AFF1: variants seen among roughly 807,000 people sequenced by gnomAD.
AFF1 encodes the protein ALF transcription elongation factor 1.
AFF1 carries 48 observed loss-of-function variants against 121.7 expected under a neutral mutation model. That is an observed-to-expected ratio of 0.39 (90% CI 0.31 to 0.50). AFF1 has a LOEUF of 0.50. Among genes scored for constraint, AFF1 ranks in the 20% least tolerant of loss-of-function variants. The probability of loss-of-function intolerance (pLI) is 0.76; values close to 1 mark genes in which losing one functional copy is unlikely to be tolerated. For missense variants in AFF1, 1,523 were observed against 1,511.7 expected, an observed-to-expected ratio of 1.01 and a Z score of -0.12; for synonymous variants, 613 against 563.0, an observed-to-expected ratio of 1.09 and a Z score of -1.26.
At chr4:86,949,994 A>T in intron 2 of AFF1, 1 of 1,614,086 alleles carries the variant, frequency 6.2e-7, no homozygotes, top group Non-Finnish European at 8.5e-7. Context: ...GATCACAAAG[A>T]TGGCGAGCGC....
intron 8 of AFF1, among the ~76,000 whole-genome samples, chr4:87,100,776 T>G (rs549906069): frequency 2.1e-4 from 32 of 152,324 alleles, no homozygotes; most frequent in African/African-American, 7.5e-4. Context: ...TAGAGTAATA[T>G]TTTAGATTTT....
At chr4:87,031,840 CATT>C (rs1402368577) in intron 2 of AFF1, among the ~76,000 whole-genome samples, 3 of 151,412 alleles carry the variant, frequency 2.0e-5, no homozygotes, top group Non-Finnish European at 4.4e-5. Flanking sequence ...AAGAACTTAA[CATT>C]ATTAAGGACT....
At chr4:86,972,023 AG>A (rs1722981035) in intron 2 of AFF1, among the ~76,000 whole-genome samples, 1 of 150,944 alleles carries the variant, frequency 6.6e-6, no homozygotes, top group African/African-American at 2.4e-5. Context: ...CTGTAGACTC[AG>A]CTACATGGGA....
In AFF1 at chr4:87,091,883, T is replaced by C. The variant is rs1214542302; in HGVS notation, c.1228+54T>C. The C allele has an allele frequency of 8.3e-6, 11 of 1,324,828 alleles. No homozygotes were observed. In the East Asian group the frequency reaches 2.5e-4, roughly 30 times the overall value. 82.1% of individuals were successfully genotyped at this position (1,324,828 alleles called of 1,614,324 possible). ...TTGGAGAACAAAGCATAGCTTTTAC[T>C]GTTTAACGTAAAAACATTAGTAAAA... On this transcript the variant is annotated intron_variant, in intron 7 of 20. Coordinates refer to ENST00000395146, the MANE Select transcript of AFF1 (RefSeq NM_001166693.3).
intron 19 of AFF1, 113 bp downstream of exon 19, chr4:87,132,521 T>A: frequency 1.8e-6 from 2 of 1,096,068 alleles, no homozygotes; most frequent in Non-Finnish European, 2.5e-6. Context: ...TTTCAAAAAT[T>A]GTTGGCTTCA....
intron 2 of AFF1, among the ~76,000 whole-genome samples, chr4:87,029,027 C>G (rs1012403661): frequency 1.3e-5 from 2 of 152,156 alleles, no homozygotes; most frequent in African/African-American, 4.8e-5. Flanking sequence ...AGTGAGTGTC[C>G]TCCCAGGTAA....
At chr4:87,077,652 A>G (rs1005311179) in intron 4 of AFF1, among the ~76,000 whole-genome samples, 1 of 151,954 alleles carries the variant, frequency 6.6e-6, no homozygotes, top group African/African-American at 2.4e-5. Flanking sequence ...TCCCAGTGGT[A>G]TTTTATGCAT....
intron 19 of AFF1, among the ~76,000 whole-genome samples, chr4:87,133,723 G>A (rs1729054655): frequency 6.6e-6 from 1 of 152,164 alleles, no homozygotes; most frequent in Non-Finnish European, 1.5e-5. Context: ...CAAACGGCAG[G>A]TGTAACATCA....
chr4:87,110,858 G>T (rs899717643), intron 11 of AFF1, among the ~76,000 whole-genome samples: 1 of 151,966 alleles, frequency 6.6e-6, no homozygotes, highest in African/African-American at 2.4e-5. Flanking sequence ...CACCAGCACT[G>T]GGAGGGCAGA....
intron 2 of AFF1, among the ~76,000 whole-genome samples, chr4:86,996,279 G>C (rs1276468320): frequency 6.6e-6 from 1 of 152,196 alleles, no homozygotes; most frequent in Non-Finnish European, 1.5e-5. Context: ...TTGTGGAATA[G>C]AAAGGGGGGA....
At chr4:87,064,961 C>T (rs1305262904) in intron 4 of AFF1, among the ~76,000 whole-genome samples, 1 of 151,692 alleles carries the variant, frequency 6.6e-6, no homozygotes, top group Non-Finnish European at 1.5e-5. Context: ...ATCACTTGAG[C>T]ACAGGAAGTG....
At chr4:87,068,202 G>C (rs1016325947) in intron 4 of AFF1, among the ~76,000 whole-genome samples, 6 of 150,050 alleles carry the variant, frequency 4.0e-5, no homozygotes, top group African/African-American at 9.8e-5. Context: ...ATGTGTGCAC[G>C]TGTGTATTGT....
In AFF1 at chr4:87,084,922, T is replaced by C. The variant is rs150219004; in HGVS notation, c.1104+758T>C. Among the ~76,000 whole-genome samples the C allele has an allele frequency of 2.5e-3, 379 of 152,358 alleles. 2 individuals carry two copies. The highest frequency in any genetic ancestry group is 8.6e-3 in the African/African-American group (356 of 41,578). On this transcript the variant is annotated intron_variant, in intron 5 of 20. Transcript: ENST00000395146. Reference sequence around the variant, plus strand: ...AGTGCTTGATTTATACCTCTTGGCGTTCTGTAGGTGATACCTAATACCTAT... The same window carrying C: ...AGTGCTTGATTTATACCTCTTGGCGCTCTGTAGGTGATACCTAATACCTAT...
chr4:87,090,218 A>G (rs968265088), intron 6 of AFF1, 148 bp downstream of exon 6: 5 of 581,434 alleles, frequency 8.6e-6, no homozygotes, highest in African/African-American at 3.7e-5. Context: ...ACAGTGCTTC[A>G]GAATGCTTTC....
chr4:87,074,011 A>AT (rs1035701733), intron 4 of AFF1, among the ~76,000 whole-genome samples: 10 of 151,930 alleles, frequency 6.6e-5, no homozygotes, highest in African/African-American at 2.4e-4. Flanking sequence ...GTAGGACTGG[A>AT]TGGGGTGGGT....
intron 2 of AFF1, among the ~76,000 whole-genome samples, chr4:86,982,388 CTTTTTTTTT>C (rs70953632): frequency 9.0e-4 from 53 of 58,596 alleles, no homozygotes; most frequent in African/African-American, 2.8e-3. Context: ...AAAAAATTGG[CTTTTTTTTT>C]TTTTTTTTTT....
chr4:87,011,763 T>C (rs1474881634), intron 2 of AFF1, among the ~76,000 whole-genome samples: 2 of 152,232 alleles, frequency 1.3e-5, no homozygotes, highest in African/African-American at 4.8e-5. Context: ...TAGTTCATCC[T>C]GAGAGCCCAG....
Position 87,046,943 on chromosome 4 carries a change from T to TAGCCACA in AFF1, c.410_416dup (p.Asn139LysfsTer12). ...CTGGACCACTTTCTGTTGGCAACAT[T>TAGCCACA]AGCCACAATCCAAAGATGGCGCAGC... On this transcript the variant is annotated frameshift_variant, in exon 4 of 21. Transcript: ENST00000395146. LOFTEE classifies it high-confidence loss of function. 6.2e-7 allele frequency: 1 copy of TAGCCACA among 1,614,196 alleles called. No individual in the cohort carries two copies. The highest frequency in any genetic ancestry group is 8.5e-7 in the Non-Finnish European group (1 of 1,180,042).
intron 2 of AFF1, among the ~76,000 whole-genome samples, chr4:87,001,691 A>C: frequency 6.6e-6 from 1 of 152,184 alleles, no homozygotes; most frequent in East Asian, 1.9e-4. Context: ...GAAAGTGTGA[A>C]ATAAGGATAG....
Sources: allele counts gnomAD v4.1 joint callset (sites outside exome capture counted in the v4.1 genomes callset), GRCh38; gene constraint gnomAD v4.1.1; transcripts MANE v1.5; gene names NCBI Gene and HGNC (gene_info 2026-07-23, HGNC 2026-07-21).